TIAM1: variants seen among roughly 807,000 people sequenced by gnomAD.
The protein encoded by TIAM1 is rho guanine nucleotide exchange factor TIAM1.
TIAM1 carries 65 observed loss-of-function variants against 163.5 expected under a neutral mutation model. The ratio of observed to expected loss-of-function variants is 0.40; its 90% CI spans 0.33 to 0.49. The LOEUF (loss-of-function observed/expected upper bound fraction) is 0.49. TIAM1 is among the 20% of genes least tolerant of loss of function. The pLI is 0.77. For missense variants in TIAM1, 1,789 were observed against 2,044.7 expected (o/e 0.87, Z 2.41); for synonymous variants, 833 against 810.1 (o/e 1.03, Z -0.48).
rs1208410318 is a variant in TIAM1 at position 31,532,983 on chromosome 21, G to C, written c.-422+25944C>G. On this transcript the variant is annotated intron_variant, in intron 1 of 28. Transcript: ENST00000286827. ...CCTAGCAGGTTATCCCAGCAAGATA[G>C]GTGGACAGCCTTTCTCTAGGCCAGG... Among the ~76,000 whole-genome samples the C allele has an allele frequency of 2.6e-5, 4 of 152,178 alleles. No individual in the cohort carries two copies. The East Asian group carries it at 7.7e-4, about 29-fold the overall frequency.
chr21:31,211,050 G>A (rs540145918), intron 10 of TIAM1, among the ~76,000 whole-genome samples: 5 of 151,820 alleles, frequency 3.3e-5, no homozygotes, highest in Admixed American at 1.3e-4. Context: ...AGCACGACCC[G>A]GCGCCAGAGA....
intron 1 of TIAM1, among the ~76,000 whole-genome samples, chr21:31,557,627 G>C (rs1420248170): frequency 6.6e-6 from 1 of 152,146 alleles, no homozygotes; most frequent in African/African-American, 2.4e-5. Context: ...CCAAGTCAGC[G>C]TGCATGGGTA....
chr21:31,494,354 A>G (rs1400234049), intron 1 of TIAM1, among the ~76,000 whole-genome samples: 1 of 152,240 alleles, frequency 6.6e-6, no homozygotes, highest in Non-Finnish European at 1.5e-5. Flanking sequence ...ACCAAGATCA[A>G]GACAAACCCT....
chr21:31,462,485 G>T (rs117092491), intron 2 of TIAM1, among the ~76,000 whole-genome samples: 4 of 152,138 alleles, frequency 2.6e-5, no homozygotes, highest in Admixed American at 6.5e-5. Flanking sequence ...AAACCAAGTC[G>T]AGAGATATTA....
intron 1 of TIAM1, among the ~76,000 whole-genome samples, chr21:31,534,297 G>A (rs1030547739): frequency 6.6e-6 from 1 of 152,138 alleles, no homozygotes; most frequent in East Asian, 1.9e-4. Context: ...TGCCTACATC[G>A]AGAACAACCA....
intron 2 of TIAM1, among the ~76,000 whole-genome samples, chr21:31,306,277 C>A (rs983681863): frequency 6.6e-6 from 1 of 151,546 alleles, no homozygotes; most frequent in Non-Finnish European, 1.5e-5. Flanking sequence ...GAGCAAGACC[C>A]TGTCTCTAAA....
intron 1 of TIAM1, among the ~76,000 whole-genome samples, chr21:31,509,431 G>A (rs1196739053): frequency 6.6e-6 from 1 of 152,226 alleles, no homozygotes; most frequent in East Asian, 1.9e-4. Context: ...CAAGTCACCT[G>A]CCTGGCACAG....
intron 2 of TIAM1, among the ~76,000 whole-genome samples, chr21:31,417,773 G>T (rs546302418): frequency 5.9e-5 from 9 of 152,214 alleles, no homozygotes; most frequent in Admixed American, 4.6e-4. Context: ...GGATGACCAG[G>T]GACAGTCTCG....
chr21:31,455,526 C>T (rs901100438), intron 2 of TIAM1, among the ~76,000 whole-genome samples: 4 of 151,892 alleles, frequency 2.6e-5, no homozygotes, highest in Non-Finnish European at 5.9e-5. Flanking sequence ...TATTCTCCTA[C>T]CTCAGCCTCC....
At chr21:31,175,597 T>G (rs1187049980) in intron 15 of TIAM1, among the ~76,000 whole-genome samples, 1 of 151,936 alleles carries the variant, frequency 6.6e-6, no homozygotes, top group East Asian at 2.0e-4. Context: ...CAATAAATGC[T>G]TTATAAAACT....
chr21:31,213,866 C>CAAAAAAAAAAAAAAAA (rs35524539), intron 9 of TIAM1, among the ~76,000 whole-genome samples: 7 of 54,846 alleles, frequency 1.3e-4, no homozygotes, highest in African/African-American at 4.3e-4. Context: ...CTCATCTCTA[C>CAAAAAAAAAAAAAAAA]AAAAAAAAAA....
upstream of TIAM1, among the ~76,000 whole-genome samples, chr21:31,346,431 T>C (rs1342005226): frequency 6.6e-6 from 1 of 152,084 alleles, no homozygotes; most frequent in Non-Finnish European, 1.5e-5. Context: ...TCCCGTGGTT[T>C]TGGGTGCAGC....
At position 31,410,513 on chromosome 21, in the gene TIAM1, G is replaced by A. The variant is rs988396226; in HGVS notation, c.-369+53470C>T. On this transcript the variant is annotated intron_variant, in intron 2 of 28. Transcript: ENST00000286827. The stretch of plus-strand genomic sequence containing the variant: ...TGTGTGTGATAGTGTGTATGTGTAT[G>A]TGAGAGTGCATGAGACTGAGTTTAT... Among the ~76,000 whole-genome samples, 20 of 8,688 alleles carry A rather than the reference G, an allele frequency of 2.3e-3. No homozygotes were observed. In the African/African-American group the frequency reaches 0.025, roughly 11 times the overall value. The allele number at this position is 8,688 out of a possible 152,430, so 5.7% of individuals were successfully genotyped here.
rs146724692 is a variant in TIAM1, at chr21:31,158,573, T to A, written c.2992-4147A>T. Among the ~76,000 whole-genome samples, 16 of 152,318 alleles carry A rather than the reference T, an allele frequency of 1.1e-4. No homozygotes were observed. The East Asian group carries it at 2.9e-3, about 28-fold the overall frequency. On this transcript the variant is annotated intron_variant, in intron 16 of 27. Coordinates refer to ENST00000541036, the MANE Select transcript of TIAM1 (RefSeq NM_001353694.2). ...GCATCATTACAAGTTATAATGCACATACATGTTGTTAAGCGGTGTTATATA... is the reference window on the plus strand; with the variant it reads ...GCATCATTACAAGTTATAATGCACAAACATGTTGTTAAGCGGTGTTATATA...
At chr21:31,224,389 T>A (rs189641967) in intron 7 of TIAM1, among the ~76,000 whole-genome samples, 60 of 152,304 alleles carry the variant, frequency 3.9e-4, no homozygotes, top group African/African-American at 1.4e-3. Flanking sequence ...CCATGGTGTA[T>A]ACGTACAACC....
chr21:31,442,260 T>A (rs1602289061), intron 2 of TIAM1, among the ~76,000 whole-genome samples: 1 of 120,810 alleles, frequency 8.3e-6, no homozygotes, highest in Admixed American at 9.5e-5. Flanking sequence ...TGAAACAGAG[T>A]CTCCCTCTGT....
chr21:31,243,209 A>ATATATATATATATAT (rs1555902485), intron 6 of TIAM1, among the ~76,000 whole-genome samples: 1 of 117,280 alleles, frequency 8.5e-6, no homozygotes, highest in African/African-American at 3.7e-5. Flanking sequence ...AAAAAAAAAA[A>ATATATATATATATAT]ATATATATAT....
rs114367163 is a variant in TIAM1, at chr21:31,367,124, A to G, written c.-368-27702T>C. ...CAGGCAGGTAAGCAGGCAAGAAGTA[A>G]GGAGAGAAGGAAGGAGGGAGGGAGG... is the stretch of plus-strand genomic sequence containing the variant. On this transcript the variant is annotated intron_variant, in intron 2 of 28. Coordinates refer to the TIAM1 transcript ENST00000286827. 6.6e-3 allele frequency among the ~76,000 whole-genome samples: 940 copies of G among 142,898 alleles called. 10 individuals carry two copies. Among genetic ancestry groups the G allele is most frequent in the African/African-American group, 0.022 (885 of 39,970 alleles). 93.7% of individuals were successfully genotyped at this position (142,898 alleles called of 152,430 possible).
chr21:31,233,180 C>A (rs145218348), intron 6 of TIAM1, among the ~76,000 whole-genome samples: 2 of 151,888 alleles, frequency 1.3e-5, no homozygotes, highest in Non-Finnish European at 2.9e-5. Flanking sequence ...TATGCCAAAT[C>A]TAGGAAACTA....
Sources: gnomAD v4.1 joint callset for allele counts (sites outside exome capture counted in the v4.1 genomes callset) on GRCh38, gnomAD v4.1.1 for gene constraint, MANE v1.5 for transcripts, NCBI Gene and HGNC (gene_info 2026-07-23, HGNC 2026-07-21) for gene names.